Variants in RANBP17 observed in about 807,000 individuals in gnomAD.
RANBP17 encodes the protein RAN binding protein 17, also known as ran-binding protein 17.
In RANBP17, 158 loss-of-function variants were observed where a neutral mutation model predicts 141.2. The observed-to-expected ratio is 1.12, with a 90% CI of 0.98 to 1.28. The LOEUF (loss-of-function observed/expected upper bound fraction) is 1.28. Ranked by LOEUF, RANBP17 falls within the 50% of genes most tolerant of loss-of-function variation. RANBP17 has a pLI of 0.00. For missense variants in RANBP17, 1,438 were observed against 1,290.7 expected, an observed-to-expected ratio of 1.11 and a Z score of -1.75; for synonymous variants, 430 against 450.0, an observed-to-expected ratio of 0.96 and a Z score of 0.56.
At chr5:171,029,665 T>A (rs573210337) in intron 14 of RANBP17, among the ~76,000 whole-genome samples, 129 of 152,216 alleles carry the variant, frequency 8.5e-4, no homozygotes, top group African/African-American at 3.0e-3. Flanking sequence ...GAAATCCAGT[T>A]TTGTACCTTG....
At chr5:171,080,848 G>A (rs1018656426) in intron 14 of RANBP17, among the ~76,000 whole-genome samples, 1 of 152,148 alleles carries the variant, frequency 6.6e-6, no homozygotes, top group African/African-American at 2.4e-5. Context: ...CCTTGGTAAT[G>A]TAGAGCCTTT....
chr5:170,921,635 G>T (rs1581151153), intron 11 of RANBP17, among the ~76,000 whole-genome samples: 1 of 152,174 alleles, frequency 6.6e-6, no homozygotes. Context: ...AAAGTCAGTG[G>T]TAGCTTGATG....
Position 171,299,092 on chromosome 5 carries a change from C to G in RANBP17, c.*234C>G, listed in dbSNP as rs894844011. On this transcript the variant is annotated 3_prime_UTR_variant, in exon 28 of 28. Transcript: ENST00000523189. ...AAGGATGTGTTTTCAGTCTTTCTATCAAATATTATCTTTGTTCTCCTAATG... is the reference window on the plus strand; with the variant it reads ...AAGGATGTGTTTTCAGTCTTTCTATGAAATATTATCTTTGTTCTCCTAATG... The G allele has an allele frequency of 1.7e-5, 7 of 417,666 alleles. No homozygotes were observed. Among genetic ancestry groups the G allele is most frequent in the African/African-American group, 1.4e-4 (7 of 50,162 alleles). 25.9% of individuals were successfully genotyped at this position (417,666 alleles called of 1,614,324 possible).
chr5:171,287,571 C>T (rs1237929654), intron 25 of RANBP17, among the ~76,000 whole-genome samples: 2 of 145,102 alleles, frequency 1.4e-5, no homozygotes, highest in Non-Finnish European at 1.5e-5. Context: ...TCTGATCATC[C>T]TTTTTTTTTT....
chr5:171,261,920 G>C (rs1766357119), intron 24 of RANBP17, among the ~76,000 whole-genome samples: 1 of 152,110 alleles, frequency 6.6e-6, no homozygotes, highest in African/African-American at 2.4e-5. Flanking sequence ...TGATCCTTAT[G>C]ATTCCACACT....
intron 13 of RANBP17, among the ~76,000 whole-genome samples, chr5:170,960,692 A>G (rs1405258198): frequency 1.3e-5 from 2 of 152,164 alleles, no homozygotes; most frequent in Non-Finnish European, 2.9e-5. Flanking sequence ...AGCCAGAGTA[A>G]TCTTTCTAAA....
intron 18 of RANBP17, among the ~76,000 whole-genome samples, chr5:171,183,683 G>C (rs1432708298): frequency 6.6e-6 from 1 of 152,150 alleles, no homozygotes; most frequent in Non-Finnish European, 1.5e-5. Flanking sequence ...CTTACTTTCT[G>C]CCTATCCTTT....
intron 23 of RANBP17, 51 bp downstream of exon 23, chr5:171,241,193 C>G: frequency 7.5e-7 from 1 of 1,330,060 alleles, no homozygotes; most frequent in Non-Finnish European, 1.1e-6. Context: ...GAAGTAACAC[C>G]ACCACAGGCC....
chr5:171,251,343 G>T (rs757547525), intron 24 of RANBP17, among the ~76,000 whole-genome samples: 3 of 151,988 alleles, frequency 2.0e-5, no homozygotes, highest in Non-Finnish European at 2.9e-5. Flanking sequence ...GCCTCCTAAA[G>T]TGCTGGAATT....
At chr5:171,050,865 CT>C (rs142527538) in intron 14 of RANBP17, among the ~76,000 whole-genome samples, 5,015 of 152,184 alleles carry the variant, frequency 0.033, 271 homozygotes, top group African/African-American at 0.11. Flanking sequence ...TCTTAGTTTT[CT>C]TTTATCTGAG....
intron 14 of RANBP17, among the ~76,000 whole-genome samples, chr5:171,068,461 T>A (rs1186914785): frequency 2.6e-5 from 4 of 152,234 alleles, no homozygotes; most frequent in African/African-American, 7.2e-5. Flanking sequence ...CTGGTTTCTC[T>A]GTATGCTTTG....
chr5:171,028,327 A>G (rs1375854453), intron 14 of RANBP17, among the ~76,000 whole-genome samples: 1 of 152,120 alleles, frequency 6.6e-6, no homozygotes, highest in Admixed American at 6.6e-5. Context: ...GGAATCTTAT[A>G]TGGAAACTTC....
rs945482942 is a variant in RANBP17, at chr5:170,966,222, C to T, written c.1575-2020C>T. On this transcript the variant is annotated intron_variant, in intron 13 of 27. Transcript: ENST00000523189. Reference sequence around the variant, plus strand: ...GCCAGCATCATCCTGATACCAAAGCCGGGCAGAGACACAACCAAAAAAGAG... The same window carrying T: ...GCCAGCATCATCCTGATACCAAAGCTGGGCAGAGACACAACCAAAAAAGAG... Among the ~76,000 whole-genome samples, 13 of 151,874 alleles carry T rather than the reference C, an allele frequency of 8.6e-5. 1 individual carries two copies. Among genetic ancestry groups the T allele is most frequent in the South Asian group, 6.2e-4 (3 of 4,822 alleles).
chr5:171,119,895 C>T (rs536611224), intron 14 of RANBP17, among the ~76,000 whole-genome samples: 36 of 151,928 alleles, frequency 2.4e-4, no homozygotes, highest in South Asian at 1.7e-3. Flanking sequence ...CAAAATTAGC[C>T]GGGCATGGTG....
intron 14 of RANBP17, chr5:171,158,448 C>CATT (rs1049451002): frequency 5.3e-6 from 1 of 190,014 alleles, no homozygotes; most frequent in African/African-American, 2.3e-5. Context: ...GGTTGACACC[C>CATT]ATTACAAAAT....
chr5:171,048,082 GT>G (rs1782709658), intron 14 of RANBP17, among the ~76,000 whole-genome samples: 1 of 151,858 alleles, frequency 6.6e-6, no homozygotes, highest in African/African-American at 2.4e-5. Flanking sequence ...AGATTTTTTT[GT>G]TTTTTAATTG....
chr5:171,221,726 A>T (rs770805431), intron 21 of RANBP17, 32 bp from the exon 22 acceptor site: 5 of 1,322,330 alleles, frequency 3.8e-6, no homozygotes, highest in South Asian at 1.2e-5. Context: ...CTTTATCTTC[A>T]CATATAGGCA....
chr5:170,954,644 T>C (rs1409701421), intron 13 of RANBP17, among the ~76,000 whole-genome samples: 1 of 151,728 alleles, frequency 6.6e-6, no homozygotes, highest in East Asian at 1.9e-4. Context: ...GAAAATTCCT[T>C]GTTTTTGGAA....
chr5:170,982,502 G>A (rs1317945036), intron 14 of RANBP17, among the ~76,000 whole-genome samples: 2 of 152,140 alleles, frequency 1.3e-5, no homozygotes, highest in African/African-American at 2.4e-5. Flanking sequence ...GAGCTCTTTG[G>A]AATTAAGACA....
Sources: allele counts gnomAD v4.1 joint callset (sites outside exome capture counted in the v4.1 genomes callset), GRCh38; gene constraint gnomAD v4.1.1; transcripts MANE v1.5; gene names NCBI Gene and HGNC (gene_info 2026-07-23, HGNC 2026-07-21).